The following MAGI2 variants were observed in gnomAD, a reference collection of about 807,000 sequenced individuals.
MAGI2 encodes membrane associated guanylate kinase, WW and PDZ domain containing 2.
In MAGI2, 35 loss-of-function variants were observed where a neutral mutation model predicts 133.3. The ratio of observed to expected loss-of-function variants is 0.26; its 90% confidence interval spans 0.20 to 0.35. The LOEUF is 0.35. Ranked by LOEUF, MAGI2 falls within the 10% of genes least tolerant of loss-of-function variation. MAGI2 has a pLI of 1.00. For synonymous variants in MAGI2, 729 were observed against 710.6 expected (o/e 1.03, Z -0.41); for missense variants, 1,636 against 1,863.4 (o/e 0.88, Z 2.25).
chr7:79,198,529 A>C (rs1353213543), intron 1 of MAGI2, among the ~76,000 whole-genome samples: 1 of 152,036 alleles, frequency 6.6e-6, no homozygotes, highest in African/African-American at 2.4e-5. Context: ...TGATCCTAAG[A>C]AATAAGGAAG....
chr7:78,825,263 T>G (rs1213826460), intron 2 of MAGI2, among the ~76,000 whole-genome samples: 1 of 152,074 alleles, frequency 6.6e-6, no homozygotes, highest in Admixed American at 6.5e-5. Context: ...TAAAAAGAAA[T>G]AAATAAATAC....
At chr7:78,663,208 T>G (rs1445658751) in intron 2 of MAGI2, among the ~76,000 whole-genome samples, 6 of 150,212 alleles carry the variant, frequency 4.0e-5, no homozygotes. Context: ...AACTCTTTTT[T>G]TTTTTTTTTT....
intron 1 of MAGI2, among the ~76,000 whole-genome samples, chr7:79,217,863 A>G (rs1232398643): frequency 2.0e-5 from 3 of 152,036 alleles, no homozygotes; most frequent in African/African-American, 7.3e-5. Flanking sequence ...AATGGTGGTT[A>G]TTATTATTTA....
At chr7:79,296,763 A>G (rs1237268910) in intron 1 of MAGI2, among the ~76,000 whole-genome samples, 1 of 152,146 alleles carries the variant, frequency 6.6e-6, no homozygotes. Context: ...AGGTTGGGCA[A>G]TGGGCATAAA....
intron 2 of MAGI2, among the ~76,000 whole-genome samples, chr7:78,670,669 C>G (rs1814266284): frequency 1.3e-5 from 2 of 152,176 alleles, no homozygotes; most frequent in South Asian, 4.1e-4. Flanking sequence ...TGACTTCAAA[C>G]TCAACTACAA....
At chr7:79,239,387 T>G (rs1163778537) in intron 1 of MAGI2, among the ~76,000 whole-genome samples, 1 of 152,202 alleles carries the variant, frequency 6.6e-6, no homozygotes, top group African/African-American at 2.4e-5. Context: ...CAAAGTGTTA[T>G]GATTAATAGT....
chr7:78,112,510 G>A (rs997536239), intron 20 of MAGI2, among the ~76,000 whole-genome samples: 2 of 152,212 alleles, frequency 1.3e-5, no homozygotes, highest in African/African-American at 2.4e-5. Context: ...AGCTGACTGC[G>A]AGTTAGACTG....
At chr7:78,860,071 C>T (rs1175193139) in intron 2 of MAGI2, among the ~76,000 whole-genome samples, 2 of 152,158 alleles carry the variant, frequency 1.3e-5, no homozygotes, top group East Asian at 3.9e-4. Flanking sequence ...AGTTCTCGTG[C>T]CATGGTTTTC....
intron 3 of MAGI2, chr7:78,618,900 T>C (rs979133818): frequency 1.3e-5 from 2 of 150,592 alleles, no homozygotes; most frequent in African/African-American, 2.4e-5. Context: ...GGGGAAATGT[T>C]GGTCAAAGGG....
chr7:78,772,335 T>C (rs1825661701), intron 2 of MAGI2, among the ~76,000 whole-genome samples: 1 of 152,228 alleles, frequency 6.6e-6, no homozygotes, highest in African/African-American at 2.4e-5. Flanking sequence ...GGCTAGGTGA[T>C]AAATTATTAG....
At chr7:79,158,272 G>A (rs765110111) in intron 1 of MAGI2, among the ~76,000 whole-genome samples, 1 of 151,914 alleles carries the variant, frequency 6.6e-6, no homozygotes. Flanking sequence ...ATGTATTTAT[G>A]TGTTGTGTAC....
intron 11 of MAGI2, among the ~76,000 whole-genome samples, chr7:78,198,659 T>C (rs1828961321): frequency 1.3e-5 from 2 of 152,176 alleles, no homozygotes; most frequent in South Asian, 4.1e-4. Flanking sequence ...GGCTGATTTT[T>C]CAACCTCAGC....
At chr7:78,778,256 A>G (rs942204737) in intron 2 of MAGI2, among the ~76,000 whole-genome samples, 4 of 152,164 alleles carry the variant, frequency 2.6e-5, no homozygotes, top group African/African-American at 9.7e-5. Flanking sequence ...CCTGGACAAA[A>G]TTTTGAAGTG....
chr7:78,319,697 C>T (rs1179226925), intron 9 of MAGI2, among the ~76,000 whole-genome samples: 1 of 152,026 alleles, frequency 6.6e-6, no homozygotes, highest in Non-Finnish European at 1.5e-5. Context: ...AATTGACACC[C>T]TAACATCACA....
Position 78,208,951 on chromosome 7 carries a change from G to A in MAGI2, c.2048-7758C>T, listed in dbSNP as rs188516452. Among the ~76,000 whole-genome samples the A allele has an allele frequency of 7.6e-3, 1,157 of 151,628 alleles. 49 individuals carry two copies. The highest frequency in any genetic ancestry group is 0.068 in the Admixed American group (1,037 of 15,226). On this transcript the variant is annotated intron_variant, in intron 10 of 21. Coordinates refer to ENST00000354212, the MANE Select transcript of MAGI2 (RefSeq NM_012301.4). ...TTAAGACAGGAACCTGGCCGGGCGCGGTGGCTCACGCCTGTAATCCCAGCA... is the reference window on the plus strand; with the variant it reads ...TTAAGACAGGAACCTGGCCGGGCGCAGTGGCTCACGCCTGTAATCCCAGCA...
At chr7:78,146,949 T>A (rs3807697) in intron 16 of MAGI2, among the ~76,000 whole-genome samples, 28,761 of 152,190 alleles carry the variant, frequency 0.19, 2,919 homozygotes, top group East Asian at 0.35. Context: ...TTCCACTGAA[T>A]TCCCCCAAGC....
intron 1 of MAGI2, among the ~76,000 whole-genome samples, chr7:79,409,468 T>C (rs1172687397): frequency 6.6e-6 from 1 of 151,910 alleles, no homozygotes; most frequent in Non-Finnish European, 1.5e-5. Context: ...CTTTCTGTTT[T>C]TTTTTTCGTT....
At chr7:78,797,403 A>G (rs946192635) in intron 2 of MAGI2, among the ~76,000 whole-genome samples, 1 of 152,128 alleles carries the variant, frequency 6.6e-6, no homozygotes, top group African/African-American at 2.4e-5. Flanking sequence ...CCTAAATTCC[A>G]TAAGTAGATC....
At position 78,616,634 on chromosome 7, in the gene MAGI2, G is replaced by C. The variant is rs949639336; in HGVS notation, c.538+10486C>G. ...AGAGAAAGAGACTCACAATGTTAAT[G>C]ATGAGAATTAAGATAAAGACAAAAT... On this transcript the variant is annotated intron_variant, in intron 3 of 21. Coordinates refer to ENST00000354212, the MANE Select transcript of MAGI2 (RefSeq NM_012301.4). The C allele has an allele frequency of 1.1e-3, 169 of 152,260 alleles. 1 individual carries two copies. The highest frequency in any genetic ancestry group is 3.6e-3 in the African/African-American group (149 of 41,556). 9.4% of individuals were successfully genotyped at this position (152,260 alleles called of 1,614,324 possible).
Sources: gnomAD v4.1 joint callset for allele counts (sites outside exome capture counted in the v4.1 genomes callset) on GRCh38, gnomAD v4.1.1 for gene constraint, MANE v1.5 for transcripts, NCBI Gene and HGNC (gene_info 2026-07-23, HGNC 2026-07-21) for gene names.